Variants in PLPPR1 observed in about 807,000 individuals in gnomAD.
PLPPR1 encodes phospholipid phosphatase-related protein type 1.
Under a neutral mutation model 33.1 loss-of-function variants are expected in PLPPR1, and 10 were observed. The observed-to-expected ratio is 0.30, with a 90% confidence interval of 0.19 to 0.51. The LOEUF is 0.51. PLPPR1 is among the 20% of genes least tolerant of loss of function. The probability of loss-of-function intolerance (pLI) is 0.97; values close to 1 mark genes in which losing one functional copy is unlikely to be tolerated. For synonymous variants in PLPPR1, 151 were observed against 151.0 expected, an observed-to-expected ratio of 1.00 and a Z score of 0.00; for missense variants, 304 against 408.1, an observed-to-expected ratio of 0.74 and a Z score of 2.20.
At chr9:101,207,268 A>G (rs868394438) in intron 2 of PLPPR1, among the ~76,000 whole-genome samples, 2 of 151,888 alleles carry the variant, frequency 1.3e-5, no homozygotes, top group Admixed American at 6.6e-5. Context: ...AATTCCTCTT[A>G]AAAAAGGAAG....
chr9:101,183,747 C>G (rs991967200), intron 1 of PLPPR1, among the ~76,000 whole-genome samples: 1 of 151,036 alleles, frequency 6.6e-6, no homozygotes, highest in African/African-American at 2.4e-5. Flanking sequence ...ATATAAAAAG[C>G]TTGGTTGCAT....
intron 2 of PLPPR1, among the ~76,000 whole-genome samples, chr9:101,262,365 C>T (rs1474269078): frequency 2.0e-5 from 3 of 152,192 alleles, no homozygotes; most frequent in Non-Finnish European, 4.4e-5. Context: ...CTGTCTCTCT[C>T]AAGTTCAACT....
intron 2 of PLPPR1, among the ~76,000 whole-genome samples, chr9:101,196,592 C>T (rs1293905011): frequency 2.6e-5 from 4 of 152,260 alleles, no homozygotes; most frequent in East Asian, 1.9e-4. Flanking sequence ...CCGGACGCGG[C>T]GGCTCACGCC....
chr9:101,151,066 C>G (rs1035456169), intron 1 of PLPPR1, among the ~76,000 whole-genome samples: 1 of 151,830 alleles, frequency 6.6e-6, no homozygotes, highest in African/African-American at 2.4e-5. Context: ...TTTGAGAGAA[C>G]AGAATAAAAT....
chr9:101,237,831 A>ATGTATG (rs1421819236), intron 2 of PLPPR1, among the ~76,000 whole-genome samples: 2 of 102,022 alleles, frequency 2.0e-5, no homozygotes, highest in Non-Finnish European at 3.8e-5. Context: ...ATATATATAT[A>ATGTATG]TATATGCTAT....
chr9:101,154,525 A>C lies in PLPPR1; in HGVS notation c.-45-30925A>C, dbSNP rs1401505112. On this transcript the variant is annotated intron_variant, in intron 1 of 7. Transcript: ENST00000374874. The stretch of plus-strand genomic sequence containing the variant: ...GGTATTCATAATATTCTCTGATGGT[A>C]GTCTGTATTTCTGTGGGATCAGTGG... Among the ~76,000 whole-genome samples the C allele has an allele frequency of 2.0e-5, 3 of 152,154 alleles. No homozygotes were observed. The East Asian group carries it at 5.8e-4, about 29-fold the overall frequency.
chr9:101,134,659 C>G (rs1236413679), intron 1 of PLPPR1, among the ~76,000 whole-genome samples: 1 of 152,148 alleles, frequency 6.6e-6, no homozygotes, highest in Non-Finnish European at 1.5e-5. Flanking sequence ...GCCGGGATTA[C>G]AGGCAGGAGC....
intron 1 of PLPPR1, among the ~76,000 whole-genome samples, chr9:101,162,392 A>T (rs532787811): frequency 6.6e-6 from 1 of 152,308 alleles, no homozygotes; most frequent in East Asian, 1.9e-4. Context: ...CAAAGGCCCT[A>T]AATAAATGCT....
chr9:101,265,724 C>T (rs116750232), intron 2 of PLPPR1, among the ~76,000 whole-genome samples: 6,674 of 152,086 alleles, frequency 0.044, 466 homozygotes, highest in African/African-American at 0.15. Flanking sequence ...AGGCCGGGTA[C>T]GGTGGCTCAA....
At position 101,093,471 on chromosome 9, in the gene PLPPR1, A is replaced by G. The variant is rs1013920817; in HGVS notation, c.-46+64369A>G. Reference sequence around the variant, plus strand: ...ACATTTTTAACTGAATATTTTGGTCATGGGAGCTATAACAGAGCTTAGAAA... The same window carrying G: ...ACATTTTTAACTGAATATTTTGGTCGTGGGAGCTATAACAGAGCTTAGAAA... On this transcript the variant is annotated intron_variant, in intron 1 of 7. Coordinates refer to ENST00000374874, the MANE Select transcript of PLPPR1 (RefSeq NM_207299.2). Among the ~76,000 whole-genome samples the G allele has an allele frequency of 2.0e-5, 3 of 152,334 alleles. No homozygotes were observed. The South Asian group carries it at 6.2e-4, about 32-fold the overall frequency.
chr9:101,125,802 TA>T (rs763015047), intron 1 of PLPPR1: 31 of 797,068 alleles, frequency 3.9e-5, no homozygotes, highest in Non-Finnish European at 5.6e-5. Context: ...AACATTGTCT[TA>T]AAACTCTGTT....
At chr9:101,198,188 T>C (rs2118741855) in intron 2 of PLPPR1, among the ~76,000 whole-genome samples, 1 of 152,302 alleles carries the variant, frequency 6.6e-6, no homozygotes, top group Middle Eastern at 3.4e-3. Flanking sequence ...CCACTGATAC[T>C]CAGTCTTTGT....
chr9:101,298,963 C>T (rs2118937714), intron 4 of PLPPR1, among the ~76,000 whole-genome samples: 1 of 152,126 alleles, frequency 6.6e-6, no homozygotes, highest in South Asian at 2.1e-4. Flanking sequence ...AGGGATGATC[C>T]CAGGGAAACA....
At chr9:101,039,803 A>T (rs1588003029) in intron 1 of PLPPR1, among the ~76,000 whole-genome samples, 1 of 152,048 alleles carries the variant, frequency 6.6e-6, no homozygotes. Flanking sequence ...AGCACAGGAA[A>T]AATCCACCCC....
chr9:101,043,343 A>C (rs1020678185), intron 1 of PLPPR1, among the ~76,000 whole-genome samples: 1 of 151,674 alleles, frequency 6.6e-6, no homozygotes, highest in Non-Finnish European at 1.5e-5. Flanking sequence ...ATACACACAT[A>C]TACATGTGTA....
chr9:101,173,003 A>G (rs1224422063), intron 1 of PLPPR1, among the ~76,000 whole-genome samples: 1 of 152,020 alleles, frequency 6.6e-6, no homozygotes, highest in Admixed American at 6.6e-5. Flanking sequence ...TGGAAGCAAA[A>G]TCCCTCCAGA....
At chr9:101,092,250 C>T (rs1830750749) in intron 1 of PLPPR1, among the ~76,000 whole-genome samples, 1 of 152,144 alleles carries the variant, frequency 6.6e-6, no homozygotes, top group Non-Finnish European at 1.5e-5. Context: ...CCCCGTCCTC[C>T]AAATTGTTAT....
intron 2 of PLPPR1, among the ~76,000 whole-genome samples, chr9:101,192,948 T>A (rs1332590029): frequency 6.6e-6 from 1 of 152,210 alleles, no homozygotes; most frequent in Admixed American, 6.6e-5. Context: ...TATTCAAGTA[T>A]CTATTTTTCA....
At chr9:101,133,621 T>G (rs1831342715) in intron 1 of PLPPR1, among the ~76,000 whole-genome samples, 1 of 152,224 alleles carries the variant, frequency 6.6e-6, no homozygotes, top group South Asian at 2.1e-4. Context: ...GTGTATTGCC[T>G]GGCATCAAGT....
Sources: allele counts gnomAD v4.1 joint callset (sites outside exome capture counted in the v4.1 genomes callset), GRCh38; gene constraint gnomAD v4.1.1; transcripts MANE v1.5; gene names NCBI Gene and HGNC (gene_info 2026-07-23, HGNC 2026-07-21).